TMEM132B: variants seen among roughly 807,000 people sequenced by gnomAD.
TMEM132B encodes transmembrane protein 132B.
Under a neutral mutation model 90.8 loss-of-function variants are expected in TMEM132B, and 18 were observed. That is an observed-to-expected ratio of 0.20 (90% CI 0.14 to 0.29). TMEM132B has a LOEUF of 0.29. Among genes scored for constraint, TMEM132B ranks in the 10% least tolerant of loss-of-function variants. TMEM132B has a pLI of 1.00. For synonymous variants in TMEM132B, 504 were observed against 523.3 expected, an observed-to-expected ratio of 0.96 and a Z score of 0.50; for missense variants, 1,096 against 1,326.8, an observed-to-expected ratio of 0.83 and a Z score of 2.70.
intron 5 of TMEM132B, among the ~76,000 whole-genome samples, chr12:125,628,366 T>A (rs1179516151): frequency 1.3e-5 from 2 of 152,304 alleles, no homozygotes; most frequent in African/African-American, 4.8e-5. Flanking sequence ...AATATCTCAT[T>A]GTGGTTTTGA....
intron 2 of TMEM132B, among the ~76,000 whole-genome samples, chr12:125,398,795 A>G (rs1879231948): frequency 6.6e-6 from 1 of 152,190 alleles, no homozygotes; most frequent in African/African-American, 2.4e-5. Flanking sequence ...CCCATTTATT[A>G]TCTCATCGTT....
chr12:125,505,361 AAAGTTG>A (rs984164886), intron 3 of TMEM132B, among the ~76,000 whole-genome samples: 20 of 152,144 alleles, frequency 1.3e-4, no homozygotes, highest in African/African-American at 4.8e-4. Flanking sequence ...CAAAAAGAAT[AAAGTTG>A]AAGTTGTAGA....
In TMEM132B at chr12:125,406,068, A is replaced by G. The variant is rs192867919; in HGVS notation, c.960-9463A>G. 6.6e-6 allele frequency among the ~76,000 whole-genome samples: 1 copy of G among 152,338 alleles called. No homozygotes were observed. Among genetic ancestry groups the G allele is most frequent in the East Asian group, 1.9e-4 (1 of 5,184 alleles). ...GTTCAGTTTCCTGAACTAATGAAGA[A>G]CTAAGTTCTTCCACTGTGGGCTGTT... On this transcript the variant is annotated intron_variant, in intron 2 of 8. Transcript: ENST00000682704. The surrounding 1 kb of genome is among the most constrained non-coding windows in gnomAD (Gnocchi z 8.3).
intron 3 of TMEM132B, among the ~76,000 whole-genome samples, chr12:125,423,040 G>A (rs1215761421): frequency 1.3e-5 from 2 of 152,186 alleles, no homozygotes; most frequent in African/African-American, 4.8e-5. Flanking sequence ...TTTACAAAGT[G>A]CAGACAGTCC....
chr12:125,381,629 G>C (rs564534323), intron 2 of TMEM132B, among the ~76,000 whole-genome samples: 1 of 152,282 alleles, frequency 6.6e-6, no homozygotes, highest in African/African-American at 2.4e-5. Context: ...AAATCAGGTG[G>C]GCTGAGGGGC....
intron 1 of TMEM132B, among the ~76,000 whole-genome samples, chr12:125,344,832 C>A (rs547451012): frequency 1.8e-5 from 2 of 112,996 alleles, no homozygotes; most frequent in South Asian, 7.9e-4. Flanking sequence ...GCAAGGAGAA[C>A]TATGTGAAAA....
At chr12:125,611,651 T>C (rs1885830741) in intron 5 of TMEM132B, among the ~76,000 whole-genome samples, 1 of 152,166 alleles carries the variant, frequency 6.6e-6, no homozygotes, top group Non-Finnish European at 1.5e-5. Context: ...TCTCTTGTTA[T>C]TTATTGGCTG....
In TMEM132B at chr12:125,525,254, T is replaced by G. The variant is rs750620400; in HGVS notation, c.1293+5629T>G. ...CACAAAGAATGTATGAATCCACAAG[T>G]ATTCATTGCAGTTCTGTATGTTGTG... On this transcript the variant is annotated intron_variant, in intron 4 of 8. Coordinates refer to ENST00000682704, the MANE Select transcript of TMEM132B (RefSeq NM_001366854.1). Among the ~76,000 whole-genome samples the G allele has an allele frequency of 5.3e-5, 8 of 152,182 alleles. 1 individual carries two copies. Among genetic ancestry groups the G allele is most frequent in the Middle Eastern group, 3.2e-3 (1 of 316 alleles).
rs1367760252 is a variant in TMEM132B, at chr12:125,529,005, C to A, written c.1293+9380C>A. 2.1e-5 allele frequency among the ~76,000 whole-genome samples: 3 copies of A among 141,432 alleles called. No individual in the cohort carries two copies. In the East Asian group the frequency reaches 6.9e-4, roughly 33 times the overall value. 92.8% of individuals were successfully genotyped at this position (141,432 alleles called of 152,430 possible). ...TCCCCCTCCTCCTTTCTCCTTCCTTCTTCTCCTTTCTTCCCCCTCCTTCTT... is the reference window on the plus strand; with the variant it reads ...TCCCCCTCCTCCTTTCTCCTTCCTTATTCTCCTTTCTTCCCCCTCCTTCTT... On this transcript the variant is annotated intron_variant, in intron 4 of 8. Coordinates refer to ENST00000682704, the MANE Select transcript of TMEM132B (RefSeq NM_001366854.1).
chr12:125,239,204 GA>G lies in TMEM132B; in HGVS notation c.67+52340del, dbSNP rs374907065. ...AGTCCCAGGCTTGGAAACTGTTAGG[GA>G]AGAGTGTGAGATTTTGTGGTGTGGA... is the stretch of plus-strand genomic sequence containing the variant. On this transcript the variant is annotated intron_variant, in intron 1 of 8. Transcript: ENST00000682704. 3.3e-5 allele frequency among the ~76,000 whole-genome samples: 5 copies of G among 152,236 alleles called. No individual in the cohort carries two copies. The East Asian group carries it at 9.7e-4, about 29-fold the overall frequency.
chr12:125,443,026 A>G (rs1381207465), intron 3 of TMEM132B, among the ~76,000 whole-genome samples: 1 of 152,192 alleles, frequency 6.6e-6, no homozygotes, highest in Non-Finnish European at 1.5e-5. Context: ...TTCATGTAGA[A>G]TTATGATTCC....
intron 1 of TMEM132B, 135 bp downstream of exon 1, chr12:125,187,001 ACCCAGGAGCC>A (rs1957764045): frequency 6.6e-6 from 1 of 152,094 alleles, no homozygotes; most frequent in African/African-American, 2.4e-5. Context: ...GACCCTGGGA[ACCCAGGAGCC>A]CCCGGCGCGT....
chr12:125,383,834 G>T (rs769638931), intron 2 of TMEM132B, among the ~76,000 whole-genome samples: 3 of 152,200 alleles, frequency 2.0e-5, no homozygotes, highest in Non-Finnish European at 4.4e-5. Flanking sequence ...AGCTCTTTCT[G>T]TTAAAAGGGC....
intron 3 of TMEM132B, among the ~76,000 whole-genome samples, chr12:125,437,446 G>A (rs1417795282): frequency 6.6e-6 from 1 of 152,196 alleles, no homozygotes. Context: ...TTGGGTAGGT[G>A]CCTAGCAGTG....
chr12:125,630,293 T>C (rs1349893251), intron 5 of TMEM132B, among the ~76,000 whole-genome samples: 1 of 152,110 alleles, frequency 6.6e-6, no homozygotes, highest in East Asian at 1.9e-4. Context: ...GGGAGACTTT[T>C]TGTTATGGCT....
At chr12:125,263,817 G>A (rs1288343190) in intron 1 of TMEM132B, among the ~76,000 whole-genome samples, 1 of 152,208 alleles carries the variant, frequency 6.6e-6, no homozygotes, top group African/African-American at 2.4e-5. Flanking sequence ...TGGTTTATGG[G>A]TGAAATCCAA....
At chr12:125,298,448 C>T (rs1029548560) in intron 1 of TMEM132B, among the ~76,000 whole-genome samples, 10 of 151,274 alleles carry the variant, frequency 6.6e-5, no homozygotes, top group Non-Finnish European at 1.3e-4. Flanking sequence ...CTGAGGTTGG[C>T]GGATCACCTG....
intron 3 of TMEM132B, among the ~76,000 whole-genome samples, chr12:125,420,486 C>T (rs115273766): frequency 2.4e-4 from 37 of 152,334 alleles, no homozygotes; most frequent in East Asian, 7.7e-4. Flanking sequence ...TGGGACACAG[C>T]GTACCAAGTC....
chr12:125,449,638 C>T (rs1256243215), intron 3 of TMEM132B, among the ~76,000 whole-genome samples: 1 of 148,738 alleles, frequency 6.7e-6, no homozygotes, highest in Admixed American at 6.7e-5. Flanking sequence ...TCTCTAGTAT[C>T]TTGGGGAGTA....
Sources: gnomAD v4.1 joint callset for allele counts (sites outside exome capture counted in the v4.1 genomes callset) on GRCh38, gnomAD v4.1.1 for gene constraint, Gnocchi (gnomAD v3.1) non-coding constraint, MANE v1.5 for transcripts, NCBI Gene and HGNC (gene_info 2026-07-23, HGNC 2026-07-21) for gene names.